The following FILIP1 variants were observed in gnomAD, a reference collection of about 807,000 sequenced individuals.
The protein encoded by FILIP1 is filamin-A-interacting protein 1.
Under a neutral mutation model 102.1 loss-of-function variants are expected in FILIP1, and 61 were observed. The ratio of observed to expected loss-of-function variants is 0.60; its 90% CI spans 0.49 to 0.74. The LOEUF is 0.74. Ranked by LOEUF, FILIP1 falls within the 30% of genes least tolerant of loss-of-function variation. The pLI, the probability that FILIP1 is intolerant of heterozygous loss-of-function variation, is 0.00. For synonymous variants in FILIP1, 491 were observed against 526.9 expected, an observed-to-expected ratio of 0.93 and a Z score of 0.93; for missense variants, 1,314 against 1,441.2, an observed-to-expected ratio of 0.91 and a Z score of 1.43.
intron 4 of FILIP1, among the ~76,000 whole-genome samples, chr6:75,333,429 C>T (rs1017735135): frequency 6.6e-6 from 1 of 152,086 alleles, no homozygotes; most frequent in African/African-American, 2.4e-5. Context: ...CAAATGTGAG[C>T]ATCCTTCTGT....
In FILIP1 at chr6:75,353,733, T is replaced by G; in HGVS notation, c.451-16A>C. On this transcript the variant is annotated splice_polypyrimidine_tract_variant and intron_variant, in intron 3 of 5. Transcript: ENST00000237172. ...GTCTGTCCAGCTGAATAAGCAAACA[T>G]GGGAAAGGGCTTAATATTTTATTGC... is the stretch of plus-strand genomic sequence containing the variant. The G allele has an allele frequency of 6.2e-7, 1 of 1,610,744 alleles. No homozygotes were observed. The highest frequency in any genetic ancestry group is 8.5e-7 in the Non-Finnish European group (1 of 1,179,666).
chr6:75,446,578 G>A (rs34747139), intron 1 of FILIP1, among the ~76,000 whole-genome samples: 7,349 of 152,174 alleles, frequency 0.048, 265 homozygotes, highest in Non-Finnish European at 0.072. Context: ...TAAACATTTC[G>A]TTTACCTGGG....
chr6:75,438,212 T>C (rs1562598574), intron 1 of FILIP1, among the ~76,000 whole-genome samples: 1 of 152,198 alleles, frequency 6.6e-6, no homozygotes, highest in Non-Finnish European at 1.5e-5. Context: ...TCATAGGTTA[T>C]ATATAAATAG....
Position 75,314,738 on chromosome 6 carries a change from T to C in FILIP1, c.1094A>G (p.Lys365Arg). The C allele has an allele frequency of 6.2e-7, 1 of 1,614,220 alleles. No homozygotes were observed. The highest frequency in any genetic ancestry group is 1.1e-5 in the South Asian group (1 of 91,082). ...AEEELQELRD[K>R]IAKGECGNSS... The stretch of plus-strand genomic sequence containing the variant: ...GTTTCCACATTCTCCTTTGGCAATT[T>C]TATCTCTTAATTCTTGAAGTTCTTC... Residue 365 changes from lysine (K) to arginine (R), a missense_variant, in exon 5 of 6, where the codon AAA becomes AGA. By Grantham distance (26) the Lys-to-Arg change is conservative (BLOSUM62 2). Transcript: ENST00000237172.
intron 2 of FILIP1, among the ~76,000 whole-genome samples, chr6:75,374,151 A>ATAT (rs766761409): frequency 6.6e-6 from 1 of 152,070 alleles, no homozygotes; most frequent in East Asian, 1.9e-4. Context: ...ACACATTAGG[A>ATAT]TATTAATAGT....
At chr6:75,319,190 T>C (rs1276747039) in intron 4 of FILIP1, 7 of 742,916 alleles carry the variant, frequency 9.4e-6, no homozygotes, top group Admixed American at 7.6e-5. Context: ...TATGCAGCAA[T>C]ATCCTTTTCT....
chr6:75,296,389 G>A (rs573820895), intron 6 of FILIP1: 1 of 148,632 alleles, frequency 6.7e-6, no homozygotes, highest in Non-Finnish European at 1.5e-5. Context: ...GTGTGGATTA[G>A]AGTTTAATAA....
At chr6:75,445,237 T>C (rs1778406896) in intron 1 of FILIP1, among the ~76,000 whole-genome samples, 1 of 152,160 alleles carries the variant, frequency 6.6e-6, no homozygotes, top group Admixed American at 6.5e-5. Flanking sequence ...TCTTGAGTCA[T>C]TTGCCAAGAT....
intron 1 of FILIP1, among the ~76,000 whole-genome samples, chr6:75,486,311 A>G (rs1045727215): frequency 6.6e-6 from 1 of 152,166 alleles, no homozygotes; most frequent in African/African-American, 2.4e-5. Flanking sequence ...TGCCCCATCA[A>G]CAACTGGAAG....
intron 2 of FILIP1, among the ~76,000 whole-genome samples, chr6:75,389,308 A>G (rs934166710): frequency 6.6e-6 from 1 of 152,216 alleles, no homozygotes; most frequent in Admixed American, 6.5e-5. Context: ...ATCAATCATC[A>G]TCAGGGATAT....
chr6:75,485,980 C>CAA (rs1562667669), intron 1 of FILIP1, among the ~76,000 whole-genome samples: 1 of 135,616 alleles, frequency 7.4e-6, no homozygotes, highest in Non-Finnish European at 1.5e-5. Context: ...CACACACACA[C>CAA]ACACACACAC....
chr6:75,387,176 T>C (rs1181620071), intron 2 of FILIP1, among the ~76,000 whole-genome samples: 19 of 152,296 alleles, frequency 1.2e-4, no homozygotes, highest in Admixed American at 1.2e-3. Flanking sequence ...GCTGCAACCA[T>C]GTCCCTGTAA....
At chr6:75,468,651 A>G (rs1035147383) in intron 1 of FILIP1, among the ~76,000 whole-genome samples, 1 of 152,232 alleles carries the variant, frequency 6.6e-6, no homozygotes, top group Admixed American at 6.5e-5. Flanking sequence ...CAAATGCTCC[A>G]TCATCCACCC....
rs760896137 is a variant in FILIP1 at position 75,372,621 on chromosome 6, AAAAGAAAGAAAG to A, written c.277-9716_277-9705del. On this transcript the variant is annotated intron_variant, in intron 2 of 5. Transcript: ENST00000237172. ...TATCAAGAAAAGAAAGAAAGAAAGAAAAAGAAAGAAAGAAAGAAAGAAAGAAAGAAAGAAAGA... is the reference window on the plus strand; with the variant it reads ...TATCAAGAAAAGAAAGAAAGAAAGAAAAAGAAAGAAAGAAAGAAAGAAAGA... Among the ~76,000 whole-genome samples the A allele has an allele frequency of 7.0e-3, 295 of 42,234 alleles. 3 individuals are homozygous for A. Among genetic ancestry groups the A allele is most frequent in the South Asian group, 0.017 (16 of 944 alleles). 27.7% of individuals were successfully genotyped at this position (42,234 alleles called of 152,430 possible). A position where few individuals can be genotyped will look rare whatever the true frequency, so the allele number is the denominator to read the frequency against.
At chr6:75,372,789 A>G (rs866013551) in intron 2 of FILIP1, among the ~76,000 whole-genome samples, 1,361 of 72,088 alleles carry the variant, frequency 0.019, 164 homozygotes, top group Middle Eastern at 0.032. Context: ...AAAGAAAGAA[A>G]GAAAGAAGGA....
chr6:75,416,352 C>CT (rs550856186), intron 1 of FILIP1, among the ~76,000 whole-genome samples: 19 of 152,098 alleles, frequency 1.2e-4, no homozygotes, highest in African/African-American at 4.3e-4. Context: ...TGTGAACTTT[C>CT]TACAGCACCC....
intron 4 of FILIP1, among the ~76,000 whole-genome samples, chr6:75,330,971 A>G (rs1774059561): frequency 6.6e-6 from 1 of 152,190 alleles, no homozygotes; most frequent in African/African-American, 2.4e-5. Flanking sequence ...TAAAACCCAT[A>G]GATGGCAAGA....
chr6:75,390,912 GTT>G (rs1776262709), intron 2 of FILIP1, among the ~76,000 whole-genome samples: 3 of 151,884 alleles, frequency 2.0e-5, no homozygotes, highest in Admixed American at 6.6e-5. Flanking sequence ...TATTTCTGAT[GTT>G]CTGACTTCCC....
intron 4 of FILIP1, among the ~76,000 whole-genome samples, chr6:75,350,875 T>A (rs1774775425): frequency 6.6e-6 from 1 of 152,198 alleles, no homozygotes; most frequent in African/African-American, 2.4e-5. Context: ...TAGAATTATT[T>A]GATTTTCGAT....
Sources: allele counts gnomAD v4.1 joint callset (sites outside exome capture counted in the v4.1 genomes callset), GRCh38; gene constraint gnomAD v4.1.1; transcripts MANE v1.5; gene names NCBI Gene and HGNC (gene_info 2026-07-23, HGNC 2026-07-21).